PRKG1: variants seen among roughly 807,000 people sequenced by gnomAD.
PRKG1 encodes the protein protein kinase cGMP-dependent 1.
PRKG1 carries 35 observed loss-of-function variants against 88.1 expected under a neutral mutation model. That is an observed-to-expected ratio of 0.40 (90% CI 0.30 to 0.53). PRKG1 has a LOEUF of 0.53. Among genes scored for constraint, PRKG1 ranks in the 20% least tolerant of loss-of-function variants. The pLI is 0.59. For synonymous variants in PRKG1, 303 were observed against 292.5 expected, an observed-to-expected ratio of 1.04 and a Z score of -0.37; for missense variants, 540 against 839.8, an observed-to-expected ratio of 0.64 and a Z score of 4.41.
intron 4 of PRKG1, among the ~76,000 whole-genome samples, chr10:51,871,053 T>C (rs1393431005): frequency 6.6e-6 from 1 of 152,220 alleles, no homozygotes; most frequent in East Asian, 1.9e-4. Context: ...ATACAACAAC[T>C]GGTCTTCTAA....
Position 52,139,280 on chromosome 10 carries a change from G to A in PRKG1, c.1001+5375G>A, listed in dbSNP as rs185613387. Among the ~76,000 whole-genome samples, 16 of 152,184 alleles carry A rather than the reference G, an allele frequency of 1.1e-4. No individual in the cohort carries two copies. In the South Asian group the frequency reaches 2.9e-3, roughly 28 times the overall value. On this transcript the variant is annotated intron_variant, in intron 8 of 17. Coordinates refer to ENST00000373980, the MANE Select transcript of PRKG1 (RefSeq NM_006258.4). ...GACAAATTGGTGTCTGTATTAAAAT[G>A]GTTTTTTGTTCCTTTACCAGTACTA...
intron 1 of PRKG1, among the ~76,000 whole-genome samples, chr10:51,045,349 T>G (rs1231249345): frequency 6.6e-6 from 1 of 151,140 alleles, no homozygotes; most frequent in East Asian, 1.9e-4. Context: ...TGAGATGGAG[T>G]CTCCCTCTGT....
intron 8 of PRKG1, among the ~76,000 whole-genome samples, chr10:52,136,984 T>A (rs1837441737): frequency 6.6e-6 from 1 of 152,070 alleles, no homozygotes; most frequent in Non-Finnish European, 1.5e-5. Context: ...CACAGCTGTA[T>A]TTTTTAAAAA....
intron 4 of PRKG1, among the ~76,000 whole-genome samples, chr10:51,830,560 G>GTTTTTTTTTTTTT (rs531412645): frequency 5.0e-4 from 42 of 83,632 alleles, no homozygotes; most frequent in East Asian, 7.3e-4. Flanking sequence ...TTTTTTTTTT[G>GTTTTTTTTTTTTT]TTTTTTTTTT....
At chr10:51,965,859 G>A (rs1240379982) in intron 5 of PRKG1, among the ~76,000 whole-genome samples, 2 of 152,122 alleles carry the variant, frequency 1.3e-5, no homozygotes, top group East Asian at 1.9e-4. Flanking sequence ...AGTTAGTTGC[G>A]AATGTCAACA....
rs539202074 is a variant in PRKG1, at chr10:52,166,377, G to A, written c.1076+4414G>A. The stretch of plus-strand genomic sequence containing the variant: ...AATTGAATGAATACTTTCACTATTT[G>A]GTTCTAAGAATAAGTTTTAATAATT... On this transcript the variant is annotated intron_variant, in intron 9 of 17. Transcript: ENST00000373980. 1.4e-4 allele frequency among the ~76,000 whole-genome samples: 21 copies of A among 151,256 alleles called. No homozygotes were observed. The South Asian group carries it at 4.0e-3, about 29-fold the overall frequency.
intron 1 of PRKG1, among the ~76,000 whole-genome samples, chr10:51,136,178 G>C (rs1421529228): frequency 6.6e-6 from 1 of 152,014 alleles, no homozygotes; most frequent in African/African-American, 2.4e-5. Flanking sequence ...GTGTGAGAGA[G>C]GGGATAAGTT....
chr10:51,985,346 T>A (rs1468992224), intron 5 of PRKG1, among the ~76,000 whole-genome samples: 1 of 152,192 alleles, frequency 6.6e-6, no homozygotes, highest in Non-Finnish European at 1.5e-5. Flanking sequence ...ATTTAGGGCA[T>A]CTCAGAGAAA....
intron 5 of PRKG1, among the ~76,000 whole-genome samples, chr10:51,992,561 C>A (rs1243080846): frequency 2.0e-5 from 3 of 152,074 alleles, no homozygotes; most frequent in Non-Finnish European, 4.4e-5. Flanking sequence ...AGATTACCCC[C>A]AACTTTGTCC....
intron 2 of PRKG1, among the ~76,000 whole-genome samples, chr10:51,290,094 T>C (rs1840544605): frequency 6.6e-6 from 1 of 152,104 alleles, no homozygotes; most frequent in Admixed American, 6.6e-5. Context: ...ATTATCAACT[T>C]TGAGGAAATG....
chr10:51,875,310 G>GAA (rs36009989), intron 4 of PRKG1, among the ~76,000 whole-genome samples: 8 of 144,170 alleles, frequency 5.5e-5, no homozygotes, highest in African/African-American at 7.6e-5. Context: ...AAGCTTTAAT[G>GAA]AAAAAAAAAA....
chr10:51,340,213 C>A (rs1043307712), intron 2 of PRKG1, among the ~76,000 whole-genome samples: 1 of 152,040 alleles, frequency 6.6e-6, no homozygotes, highest in African/African-American at 2.4e-5. Context: ...TTAAGAAATT[C>A]TAAAGAAAAG....
At chr10:51,580,842 A>G (rs1838013198) in intron 3 of PRKG1, among the ~76,000 whole-genome samples, 1 of 152,110 alleles carries the variant, frequency 6.6e-6, no homozygotes, top group Non-Finnish European at 1.5e-5. Flanking sequence ...AAATGATTAA[A>G]TCATCACCTA....
At chr10:51,651,520 CCCCTTAGCATTCTATTT>C (rs1376888012) in intron 3 of PRKG1, among the ~76,000 whole-genome samples, 2 of 151,816 alleles carry the variant, frequency 1.3e-5, no homozygotes, top group African/African-American at 4.8e-5. Context: ...TTCTTTGGAC[CCCCTTAGCATTCTATTT>C]CCCTCATATT....
chr10:51,945,136 C>G (rs1427248216), intron 5 of PRKG1, among the ~76,000 whole-genome samples: 2 of 150,162 alleles, frequency 1.3e-5, no homozygotes, highest in Middle Eastern at 3.2e-3. Flanking sequence ...ACTCTGGGTG[C>G]TCCTGTATTG....
At chr10:51,684,205 ATTT>A (rs1056827577) in intron 3 of PRKG1, among the ~76,000 whole-genome samples, 1 of 152,174 alleles carries the variant, frequency 6.6e-6, no homozygotes, top group Non-Finnish European at 1.5e-5. Context: ...ACATGGATAA[ATTT>A]TTTTTAAAAA....
At chr10:51,943,527 A>G (rs372111106) in intron 5 of PRKG1, among the ~76,000 whole-genome samples, 33 of 152,092 alleles carry the variant, frequency 2.2e-4, no homozygotes, top group East Asian at 3.9e-4. Flanking sequence ...TCCCTGTCTT[A>G]TGCCAGTTTT....
intron 2 of PRKG1, among the ~76,000 whole-genome samples, chr10:51,384,433 G>C (rs1837195605): frequency 6.6e-6 from 1 of 152,162 alleles, no homozygotes; most frequent in Non-Finnish European, 1.5e-5. Context: ...TCGGATTTAA[G>C]GAGCCTGTTC....
rs572495058 is a variant in PRKG1 at position 51,779,371 on chromosome 10, C to T, written c.593-25214C>T. On this transcript the variant is annotated intron_variant, in intron 3 of 17. Transcript: ENST00000373980. The stretch of plus-strand genomic sequence containing the variant: ...CCAAGCAAATCAGCTCATGCTTATA[C>T]GCCTCTGGGAGATACCAAAGACAGC... Among the ~76,000 whole-genome samples, 12 of 152,062 alleles carry T rather than the reference C, an allele frequency of 7.9e-5. 1 individual carries two copies. The highest frequency in any genetic ancestry group is 4.1e-4 in the South Asian group (2 of 4,832).
Sources: allele counts gnomAD v4.1 joint callset (sites outside exome capture counted in the v4.1 genomes callset), GRCh38; gene constraint gnomAD v4.1.1; transcripts MANE v1.5; gene names NCBI Gene and HGNC (gene_info 2026-07-23, HGNC 2026-07-21).